Variants in PTPRG observed in about 807,000 individuals in gnomAD.
The protein encoded by PTPRG is protein tyrosine phosphatase receptor type G.
PTPRG carries 102 observed loss-of-function variants against 165.3 expected under a neutral mutation model. The observed-to-expected ratio is 0.62, with a 90% CI of 0.53 to 0.73. The LOEUF (loss-of-function observed/expected upper bound fraction) is 0.73, where lower values mean the gene tolerates loss of function less well. Among genes scored for constraint, PTPRG ranks in the 30% least tolerant of loss-of-function variants. PTPRG has a pLI of 0.00. For missense variants in PTPRG, 1,866 were observed against 1,861.4 expected, an observed-to-expected ratio of 1.00 and a Z score of -0.05; for synonymous variants, 675 against 669.5, an observed-to-expected ratio of 1.01 and a Z score of -0.13.
At chr3:62,069,682 TCTCA>T (rs1298837581) in intron 4 of PTPRG, among the ~76,000 whole-genome samples, 1 of 144,154 alleles carries the variant, frequency 6.9e-6, no homozygotes, top group Non-Finnish European at 1.5e-5. Flanking sequence ...TCTCTCTCTC[TCTCA>T]CACACAGACA....
intron 4 of PTPRG, among the ~76,000 whole-genome samples, chr3:62,071,211 T>C (rs1202361783): frequency 6.6e-6 from 1 of 152,204 alleles, no homozygotes; most frequent in African/African-American, 2.4e-5. Flanking sequence ...TTTCCTTACT[T>C]ACTCCGTCAT....
chr3:62,035,279 C>T (rs1360586170), intron 4 of PTPRG, among the ~76,000 whole-genome samples: 1 of 152,162 alleles, frequency 6.6e-6, no homozygotes, highest in Non-Finnish European at 1.5e-5. Context: ...AAAACCTCAG[C>T]ATCACCTGGA....
chr3:61,923,477 T>C (rs2039131233), intron 2 of PTPRG, among the ~76,000 whole-genome samples: 1 of 152,014 alleles, frequency 6.6e-6, no homozygotes. Context: ...TACATACGTA[T>C]ACATGTGCCA....
At chr3:62,067,986 A>G (rs962341959) in intron 4 of PTPRG, among the ~76,000 whole-genome samples, 1 of 152,194 alleles carries the variant, frequency 6.6e-6, no homozygotes, top group East Asian at 1.9e-4. Flanking sequence ...GGTAGTGCTC[A>G]TTGCTAATGG....
chr3:62,022,648 A>G (rs957801856), intron 4 of PTPRG, among the ~76,000 whole-genome samples: 11 of 152,210 alleles, frequency 7.2e-5, no homozygotes, highest in Non-Finnish European at 2.9e-5. Flanking sequence ...GGTGATAGGT[A>G]GAAAGATTGG....
chr3:62,267,861 T>C (rs1559732767), intron 19 of PTPRG, 42 bp downstream of exon 19: 1 of 1,597,552 alleles, frequency 6.3e-7, no homozygotes, highest in Non-Finnish European at 8.5e-7. Context: ...TGCACCTTCA[T>C]TCAAAAGATA....
intron 13 of PTPRG, among the ~76,000 whole-genome samples, chr3:62,226,759 T>C (rs1700771750): frequency 6.6e-6 from 1 of 152,212 alleles, no homozygotes; most frequent in South Asian, 2.1e-4. Flanking sequence ...TCTGATCTGG[T>C]AGATTCACTT....
chr3:62,281,459 C>T (rs1013211609), intron 26 of PTPRG, 104 bp from the exon 27 acceptor site: 37 of 1,021,586 alleles, frequency 3.6e-5, no homozygotes, highest in South Asian at 5.1e-5. Context: ...TCAGTTTAAA[C>T]GATGGCTTGA....
intron 1 of PTPRG, among the ~76,000 whole-genome samples, chr3:61,738,332 A>G (rs1297125212): frequency 2.2e-5 from 3 of 137,662 alleles, no homozygotes; most frequent in African/African-American, 8.4e-5. Context: ...ATATATATAT[A>G]TATATGTATA....
chr3:61,800,236 T>C (rs1399531179), intron 2 of PTPRG, among the ~76,000 whole-genome samples: 1 of 152,176 alleles, frequency 6.6e-6, no homozygotes, highest in African/African-American at 2.4e-5. Context: ...TGTTTTTTCA[T>C]AGAGCCAGTG....
chr3:62,040,406 T>C (rs1291317555), intron 4 of PTPRG, among the ~76,000 whole-genome samples: 2 of 152,192 alleles, frequency 1.3e-5, no homozygotes, highest in African/African-American at 4.8e-5. Context: ...TCTAAGACAG[T>C]ACAGAAAATT....
At chr3:61,696,851 T>C (rs1168394521) in intron 1 of PTPRG, among the ~76,000 whole-genome samples, 1 of 152,198 alleles carries the variant, frequency 6.6e-6, no homozygotes, top group African/African-American at 2.4e-5. Flanking sequence ...CGAGTCAGAC[T>C]GGGGTTTAAA....
intron 13 of PTPRG, among the ~76,000 whole-genome samples, chr3:62,230,683 C>G (rs530227327): frequency 6.6e-6 from 1 of 152,272 alleles, no homozygotes; most frequent in East Asian, 1.9e-4. Flanking sequence ...TGAGGTGCCT[C>G]TCCTATTTAT....
intron 6 of PTPRG, among the ~76,000 whole-genome samples, chr3:62,141,654 T>A (rs951887349): frequency 4.0e-5 from 6 of 150,702 alleles, no homozygotes; most frequent in African/African-American, 1.5e-4. Flanking sequence ...AACCCCAACA[T>A]TGTGGGGGGA....
intron 5 of PTPRG, among the ~76,000 whole-genome samples, chr3:62,095,053 G>A (rs1702064946): frequency 6.6e-6 from 1 of 152,326 alleles, no homozygotes; most frequent in South Asian, 2.1e-4. Context: ...GTCGCACAGG[G>A]TTTTCTGTCA....
intron 2 of PTPRG, among the ~76,000 whole-genome samples, chr3:61,943,161 A>T (rs1016119846): frequency 6.6e-6 from 1 of 152,206 alleles, no homozygotes; most frequent in Non-Finnish European, 1.5e-5. Context: ...TGAAAAACAG[A>T]TACAGATTCT....
At chr3:61,671,466 A>C (rs1390010208) in intron 1 of PTPRG, among the ~76,000 whole-genome samples, 1 of 151,490 alleles carries the variant, frequency 6.6e-6, no homozygotes, top group Non-Finnish European at 1.5e-5. Flanking sequence ...GTAAGGTCAC[A>C]GATCAACAGG....
intron 4 of PTPRG, among the ~76,000 whole-genome samples, chr3:62,039,410 A>G (rs1700056575): frequency 6.6e-6 from 1 of 152,042 alleles, no homozygotes; most frequent in Non-Finnish European, 1.5e-5. Flanking sequence ...TTCATGCAAC[A>G]GGGGGAAAAA....
At chr3:61,629,907 A>T (rs1347882584) in intron 1 of PTPRG, among the ~76,000 whole-genome samples, 3 of 152,204 alleles carry the variant, frequency 2.0e-5, no homozygotes, top group Non-Finnish European at 4.4e-5. Flanking sequence ...TGTCAAGCTG[A>T]TGGGCTACCA....
Sources: allele counts gnomAD v4.1 joint callset (sites outside exome capture counted in the v4.1 genomes callset), GRCh38; gene constraint gnomAD v4.1.1; transcripts MANE v1.5; gene names NCBI Gene and HGNC (gene_info 2026-07-23, HGNC 2026-07-21).